Variants in GRIK4 observed in about 807,000 individuals in gnomAD.
GRIK4 encodes the protein glutamate ionotropic receptor kainate type subunit 4.
GRIK4 carries 40 observed loss-of-function variants against 104.9 expected under a neutral mutation model. The observed-to-expected ratio is 0.38, with a 90% CI of 0.30 to 0.50. The LOEUF (loss-of-function observed/expected upper bound fraction) is 0.50. Among genes scored for constraint, GRIK4 ranks in the 20% least tolerant of loss-of-function variants. GRIK4 has a pLI of 0.93. For synonymous variants in GRIK4, 485 were observed against 524.9 expected (o/e 0.92, Z 1.04); for missense variants, 1,047 against 1,308.1 (o/e 0.80, Z 3.08).
At chr11:120,638,278 A>G (rs1354777277) in intron 1 of GRIK4, among the ~76,000 whole-genome samples, 1 of 151,982 alleles carries the variant, frequency 6.6e-6, no homozygotes, top group Admixed American at 6.6e-5. Context: ...AACTCTTAAC[A>G]CTCTACAGAG....
intron 16 of GRIK4, 110 bp downstream of exon 16, chr11:120,957,063 G>C: frequency 1.1e-6 from 1 of 908,372 alleles, no homozygotes; most frequent in Non-Finnish European, 1.6e-6. Context: ...GCCTCTTACA[G>C]CAGACCCACG....
chr11:120,970,929 ATAG>A (rs940544100), intron 19 of GRIK4, among the ~76,000 whole-genome samples: 1 of 152,198 alleles, frequency 6.6e-6, no homozygotes, highest in Admixed American at 6.5e-5. Flanking sequence ...TGCCCTTGTG[ATAG>A]TAGACACTCT....
intron 13 of GRIK4, among the ~76,000 whole-genome samples, chr11:120,927,840 T>C (rs1221039128): frequency 6.6e-6 from 1 of 152,112 alleles, no homozygotes; most frequent in African/African-American, 2.4e-5. Flanking sequence ...AATTTCTATG[T>C]AGTCATTTTA....
Position 120,554,386 on chromosome 11 carries a change from T to A in GRIK4, c.-159+42499T>A, listed in dbSNP as rs1020937581. Among the ~76,000 whole-genome samples, 9 of 152,260 alleles carry A rather than the reference T, an allele frequency of 5.9e-5. No individual in the cohort carries two copies. In the East Asian group the frequency reaches 1.7e-3, roughly 29 times the overall value. ...GGTGGGGTCAGGCCTCAGCATTGGA[T>A]GACGATGTCTCCCAACCTTGCAGCC... On this transcript the variant is annotated intron_variant, in intron 1 of 20. Transcript: ENST00000527524.
chr11:120,722,681 C>A (rs1463901972), intron 3 of GRIK4, among the ~76,000 whole-genome samples: 1 of 152,138 alleles, frequency 6.6e-6, no homozygotes, highest in Non-Finnish European at 1.5e-5. Flanking sequence ...GGCTGACTCC[C>A]GACTTGGGCT....
intron 3 of GRIK4, among the ~76,000 whole-genome samples, chr11:120,709,960 C>T (rs899255734): frequency 3.3e-5 from 5 of 152,158 alleles, no homozygotes; most frequent in Admixed American, 2.0e-4. Flanking sequence ...AAGTAGCTAA[C>T]GCAGGCGAGG....
At chr11:120,832,777 G>A (rs962291966) in intron 7 of GRIK4, among the ~76,000 whole-genome samples, 3 of 152,194 alleles carry the variant, frequency 2.0e-5, no homozygotes, top group Admixed American at 1.3e-4. Context: ...AGAGAGAGAC[G>A]TCGGGAGCCT....
chr11:120,704,366 T>C (rs1159859233), intron 3 of GRIK4, among the ~76,000 whole-genome samples: 1 of 152,248 alleles, frequency 6.6e-6, no homozygotes, highest in Non-Finnish European at 1.5e-5. Flanking sequence ...TTGGATTTAT[T>C]GCTTGCTGGA....
At position 120,717,790 on chromosome 11, in the gene GRIK4, G is replaced by T. The variant is rs139225353; in HGVS notation, c.82+57390G>T. The stretch of plus-strand genomic sequence containing the variant: ...AGGGAAGCCCAGCCGCCCAGCCTGG[G>T]GTGCCCTTCCAGCTCTGGGCTTTGT... On this transcript the variant is annotated intron_variant, in intron 3 of 20. Coordinates refer to ENST00000527524, the MANE Select transcript of GRIK4 (RefSeq NM_014619.5). Among the ~76,000 whole-genome samples, 6 of 152,252 alleles carry T rather than the reference G, an allele frequency of 3.9e-5. No homozygotes were observed. The East Asian group carries it at 1.2e-3, about 29-fold the overall frequency.
chr11:120,878,472 A>G (rs1357889178), intron 11 of GRIK4, among the ~76,000 whole-genome samples: 5 of 151,964 alleles, frequency 3.3e-5, no homozygotes, highest in African/African-American at 1.2e-4. Flanking sequence ...TCCTACCCCC[A>G]TCTTTTTGAG....
chr11:120,594,478 A>G (rs1226914630), intron 1 of GRIK4, among the ~76,000 whole-genome samples: 3 of 152,188 alleles, frequency 2.0e-5, no homozygotes, highest in African/African-American at 7.2e-5. Context: ...CCCTGTCTAA[A>G]TAAATAAATA....
chr11:120,783,747 C>A (rs1395029645), intron 3 of GRIK4, among the ~76,000 whole-genome samples: 1 of 152,108 alleles, frequency 6.6e-6, no homozygotes, highest in Non-Finnish European at 1.5e-5. Flanking sequence ...CTCTTTCAGG[C>A]AACAGCTCTT....
intron 13 of GRIK4, among the ~76,000 whole-genome samples, chr11:120,915,724 C>T (rs1943092000): frequency 6.6e-6 from 1 of 152,144 alleles, no homozygotes; most frequent in Non-Finnish European, 1.5e-5. Context: ...GCCGAGCCAC[C>T]AGGAGGGAAG....
chr11:120,986,422 CCAGAGACCGCGCCCGGT>C lies in GRIK4; in HGVS notation c.*166_*182del. The C allele has an allele frequency of 1.0e-6, 1 of 990,728 alleles. No homozygotes were observed. Among genetic ancestry groups the C allele is most frequent in the Non-Finnish European group, 1.4e-6 (1 of 721,446 alleles). The allele number at this position is 990,728 out of a possible 1,614,324, so 61.4% of individuals were successfully genotyped here. A position where few individuals can be genotyped will look rare whatever the true frequency, so the allele number is the denominator to read the frequency against. On this transcript the variant is annotated 3_prime_UTR_variant, in exon 21 of 21. Transcript: ENST00000527524. ...AAGATCAAGGAGCCTGACGCCCCAG[CCAGAGACCGCGCCCGGT>C]CAGGGAGCAGGGTCCACCCGGAAAC...
chr11:120,626,092 G>A (rs1055563794), intron 1 of GRIK4, among the ~76,000 whole-genome samples: 3 of 152,158 alleles, frequency 2.0e-5, no homozygotes, highest in African/African-American at 7.2e-5. Flanking sequence ...GATTCAAAGT[G>A]TCCCCCCGCC....
At chr11:120,579,409 G>A (rs1565558321) in intron 1 of GRIK4, among the ~76,000 whole-genome samples, 2 of 152,200 alleles carry the variant, frequency 1.3e-5, no homozygotes, top group South Asian at 2.1e-4. Flanking sequence ...TGGGGACAGG[G>A]TGAGTGTCTT....
intron 1 of GRIK4, among the ~76,000 whole-genome samples, chr11:120,543,724 A>T (rs991610422): frequency 2.0e-5 from 3 of 152,228 alleles, no homozygotes; most frequent in Non-Finnish European, 4.4e-5. Context: ...AGCACTAGTC[A>T]CAATAGCCAA....
At chr11:120,519,876 T>G (rs562039497) in intron 1 of GRIK4, among the ~76,000 whole-genome samples, 7,593 of 110,936 alleles carry the variant, frequency 0.068, 291 homozygotes, top group Middle Eastern at 0.18. Context: ...TTTTTTTTTT[T>G]TTTGTTTTTT....
chr11:120,603,211 G>T (rs548934612), intron 1 of GRIK4, among the ~76,000 whole-genome samples: 1 of 152,236 alleles, frequency 6.6e-6, no homozygotes, highest in East Asian at 1.9e-4. Flanking sequence ...ATGCCTGTGG[G>T]TAGGGCAGGC....
Sources: allele counts gnomAD v4.1 joint callset (sites outside exome capture counted in the v4.1 genomes callset), GRCh38; gene constraint gnomAD v4.1.1; transcripts MANE v1.5; gene names NCBI Gene and HGNC (gene_info 2026-07-23, HGNC 2026-07-21).